AFAP1L1: variants seen among roughly 807,000 people sequenced by gnomAD.
AFAP1L1 encodes the protein actin filament-associated protein 1-like 1.
AFAP1L1 carries 77 observed loss-of-function variants against 99.8 expected under a neutral mutation model. That is an observed-to-expected ratio of 0.77 (90% CI 0.64 to 0.93). AFAP1L1 has a LOEUF of 0.93. AFAP1L1 is among the 40% of genes least tolerant of loss of function. The probability of loss-of-function intolerance (pLI) is 0.00; values close to 1 mark genes in which losing one functional copy is unlikely to be tolerated. For missense variants in AFAP1L1, 893 were observed against 996.8 expected, an observed-to-expected ratio of 0.90 and a Z score of 1.40; for synonymous variants, 373 against 395.3, an observed-to-expected ratio of 0.94 and a Z score of 0.67.
At chr5:149,305,770 G>T (rs149668682) in intron 5 of AFAP1L1, among the ~76,000 whole-genome samples, 489 of 152,260 alleles carry the variant, frequency 3.2e-3, no homozygotes, top group Non-Finnish European at 4.6e-3. Flanking sequence ...GTAAGAGGAA[G>T]GGCTGAGGTG....
At chr5:149,301,043 C>T in intron 3 of AFAP1L1, 90 bp from the exon 4 acceptor site, 2 of 1,115,746 alleles carry the variant, frequency 1.8e-6, no homozygotes, top group Non-Finnish European at 2.7e-6. Flanking sequence ...ACCTCACACT[C>T]AGGCCTCCTG....
chr5:149,302,498 C>G lies in AFAP1L1; in HGVS notation c.408C>G (p.Gly136=). ...YYEEALPLGP[G]KSPEYISSHN... is the part of the protein sequence containing the mutation. ...AAGAGGCCCTTCCTCTGGGACCCGG[C>G]AAGTCGCCTGAGTACATCAGCTCCC... The change falls in exon 5 of 19, where the codon GGC becomes GGG. Residue 136 remains glycine (G), a synonymous_variant. Coordinates refer to ENST00000296721, the MANE Select transcript of AFAP1L1 (RefSeq NM_152406.4). 3 of 1,589,604 alleles carry G rather than the reference C, an allele frequency of 1.9e-6. No individual in the cohort carries two copies. Among genetic ancestry groups the G allele is most frequent in the Non-Finnish European group, 2.6e-6 (3 of 1,167,660 alleles).
At chr5:149,290,169 G>A in intron 1 of AFAP1L1, among the ~76,000 whole-genome samples, 1 of 152,186 alleles carries the variant, frequency 6.6e-6, no homozygotes, top group Non-Finnish European at 1.5e-5. Flanking sequence ...GGAGGCAGAG[G>A]TTGCAGTGAG....
chr5:149,318,034 C>T, intron 12 of AFAP1L1, 94 bp downstream of exon 12: 1 of 1,389,444 alleles, frequency 7.2e-7, no homozygotes, highest in Non-Finnish European at 9.8e-7. Context: ...GCTACTGACA[C>T]CATGGGGACT....
intron 17 of AFAP1L1, among the ~76,000 whole-genome samples, chr5:149,333,181 T>C (rs1457830208): frequency 6.6e-6 from 1 of 152,214 alleles, no homozygotes; most frequent in African/African-American, 2.4e-5. Flanking sequence ...CAGCATACAT[T>C]GAATAACAAA....
Position 149,322,652 on chromosome 5 carries a change from C to T in AFAP1L1, c.1745C>T (p.Ala582Val). 1 of 1,593,636 alleles carries T rather than the reference C, an allele frequency of 6.3e-7. No individual in the cohort carries two copies. Among genetic ancestry groups the T allele is most frequent in the East Asian group, 2.3e-5 (1 of 44,152 alleles). ...ACAGGGGCCCAGGTGAAGCGTCACG[C>T]CTCCTCCTGCAGTGAGAAGTCCCAT... is the stretch of plus-strand genomic sequence containing the variant. ...RPTGAQVKRHASSCSEKSHRV... is the reference protein window; with the variant it reads ...RPTGAQVKRHVSSCSEKSHRV... The change falls in exon 15 of 19, where the codon GCC (alanine) becomes GTC (valine). Residue 582 changes from alanine (A) to valine (V), a missense_variant. Transcript: ENST00000296721.
chr5:149,305,725 A>G (rs1756384314), intron 5 of AFAP1L1, among the ~76,000 whole-genome samples: 1 of 152,166 alleles, frequency 6.6e-6, no homozygotes, highest in Non-Finnish European at 1.5e-5. Flanking sequence ...CTCTAGTCCA[A>G]TTCTTTCTTT....
intron 1 of AFAP1L1, among the ~76,000 whole-genome samples, chr5:149,284,985 G>C (rs1176211739): frequency 2.6e-5 from 4 of 152,336 alleles, no homozygotes; most frequent in Non-Finnish European, 5.9e-5. Context: ...TGCAGAAGCA[G>C]AGAGATATTT....
Position 149,320,262 on chromosome 5 carries a change from T to C in AFAP1L1, c.1626-129T>C, listed in dbSNP as rs17642570. The C allele has an allele frequency of 0.02, 17,254 of 851,934 alleles. 248 individuals are homozygous for C. Among genetic ancestry groups the C allele is most frequent in the Non-Finnish European group, 0.026 (13,944 of 529,766 alleles). The allele number at this position is 851,934 out of a possible 1,614,324, so 52.8% of individuals were successfully genotyped here. On this transcript the variant is annotated intron_variant, in intron 13 of 18. Coordinates refer to ENST00000296721, the MANE Select transcript of AFAP1L1 (RefSeq NM_152406.4). The surrounding 1 kb of genome is among the most constrained non-coding windows in gnomAD (Gnocchi z 4.0). ...CATGACACAATGCTGCCTGCCATCTTGCTTTTACCAATCTTCTGATCTGCC... is the reference window on the plus strand; with the variant it reads ...CATGACACAATGCTGCCTGCCATCTCGCTTTTACCAATCTTCTGATCTGCC...
At position 149,324,613 on chromosome 5, in the gene AFAP1L1, G is replaced by C. The variant is rs374215227; in HGVS notation, c.1810+1896G>C. 7.9e-5 allele frequency among the ~76,000 whole-genome samples: 12 copies of C among 152,276 alleles called. No individual in the cohort carries two copies. The East Asian group carries it at 1.9e-3, about 24-fold the overall frequency. On this transcript the variant is annotated intron_variant, in intron 15 of 18. Coordinates refer to ENST00000296721, the MANE Select transcript of AFAP1L1 (RefSeq NM_152406.4). ...ATGTGTTATGTCACACGGTTTCTGT[G>C]GGTCAAGAATCTCCAAATGGCTTGG... is the stretch of plus-strand genomic sequence containing the variant.
chr5:149,319,673 A>G lies in AFAP1L1; in HGVS notation c.1571A>G (p.Tyr524Cys). The G allele has an allele frequency of 6.2e-7, 1 of 1,612,646 alleles. No individual in the cohort carries two copies. Among genetic ancestry groups the G allele is most frequent in the Non-Finnish European group, 8.5e-7 (1 of 1,180,014 alleles). The part of the protein sequence containing the change: ...RVTPEALHYD[Y>C]VDVETLTSIV... ...ACTCCGGAGGCGCTGCACTATGACT[A>G]CGTGGATGTGGAGACCTTAACCAGC... Residue 524 changes from tyrosine (Y) to cysteine (C), a missense_variant, in exon 13 of 19, where the codon TAC becomes TGC. Tyr to Cys is a radical substitution (Grantham distance 194). Coordinates refer to ENST00000296721, the MANE Select transcript of AFAP1L1 (RefSeq NM_152406.4).
intron 15 of AFAP1L1, among the ~76,000 whole-genome samples, chr5:149,326,105 A>G (rs1185995861): frequency 6.6e-6 from 1 of 152,244 alleles, no homozygotes; most frequent in African/African-American, 2.4e-5. Flanking sequence ...TCCTCGAAAG[A>G]ACTGACTTTA....
chr5:149,328,513 C>G (rs189272660), intron 15 of AFAP1L1, among the ~76,000 whole-genome samples: 4 of 152,228 alleles, frequency 2.6e-5, no homozygotes, highest in African/African-American at 9.6e-5. Context: ...AAATTAATTA[C>G]AGTAAGTTTT....
chr5:149,321,780 TATA>T (rs1002795403), intron 14 of AFAP1L1, among the ~76,000 whole-genome samples: 2 of 140,220 alleles, frequency 1.4e-5, no homozygotes, highest in African/African-American at 5.3e-5. Flanking sequence ...GGCTCACACC[TATA>T]ATCCTAGCAC....
Position 149,271,975 on chromosome 5 carries a change from C to G in AFAP1L1, c.7C>G (p.Arg3Gly). Reference protein sequence around the residue: MDRGQVLEQLLPE... With the variant: MDGGQVLEQLLPE... ...CGGGGACCGGGCCGGCGCCATGGAC[C>G]GAGGCCAGGGTAAGAGGGGCCGCGA... Residue 3 changes from arginine (R) to glycine (G), a missense_variant, in exon 1 of 19, where the codon CGA (arginine) becomes GGA (glycine). Transcript: ENST00000296721. 1.6e-6 allele frequency: 2 copies of G among 1,237,514 alleles called. No homozygotes were observed. Among genetic ancestry groups the G allele is most frequent in the Middle Eastern group, 2.6e-4 (1 of 3,906 alleles). The allele number at this position is 1,237,514 out of a possible 1,614,324, so 76.7% of individuals were successfully genotyped here. A position where few individuals can be genotyped will look rare whatever the true frequency, so the allele number is the denominator to read the frequency against.
At chr5:149,322,300 G>C (rs1026239305) in intron 14 of AFAP1L1, among the ~76,000 whole-genome samples, 1 of 152,060 alleles carries the variant, frequency 6.6e-6, no homozygotes, top group Non-Finnish European at 1.5e-5. Context: ...ATGTTCTAAA[G>C]ACAAAAGTAT....
intron 9 of AFAP1L1, among the ~76,000 whole-genome samples, chr5:149,313,272 C>T (rs954957668): frequency 3.9e-5 from 6 of 152,168 alleles, no homozygotes; most frequent in Non-Finnish European, 7.3e-5. Context: ...AGACCCAAGT[C>T]CTCCCCTTAA....
chr5:149,343,548 C>G lies in AFAP1L1; in HGVS notation c.*3518C>G, dbSNP rs1372847751. ...CTAGATGTCAGAAATCAGTGGTGAA[C>G]AAGACAGACACCTCATGAAGCTCAC... On this transcript the variant is annotated 3_prime_UTR_variant, in exon 19 of 19. Transcript: ENST00000296721. 1.3e-5 allele frequency among the ~76,000 whole-genome samples: 2 copies of G among 152,028 alleles called. No homozygotes were observed. Among genetic ancestry groups the G allele is most frequent in the East Asian group, 3.8e-4 (2 of 5,202 alleles).
Position 149,322,631 on chromosome 5 carries a change from G to C in AFAP1L1, c.1724G>C (p.Gly575Ala). The change falls in exon 15 of 19, where the codon GGG becomes GCG. Residue 575 changes from glycine to alanine, a missense_variant. By Grantham distance (60) the Gly-to-Ala change is moderately conservative. Coordinates refer to ENST00000296721, the MANE Select transcript of AFAP1L1 (RefSeq NM_152406.4). ...MQDEEPERPT[G>A]AQVKRHASSC... ...GACGAGGAGCCCGAGCGCCCCACAG[G>C]GGCCCAGGTGAAGCGTCACGCCTCC... 1 of 1,586,802 alleles carries C rather than the reference G, an allele frequency of 6.3e-7. No individual in the cohort carries two copies. The highest frequency in any genetic ancestry group is 8.6e-7 in the Non-Finnish European group (1 of 1,165,616).
Sources: allele counts gnomAD v4.1 joint callset (sites outside exome capture counted in the v4.1 genomes callset), GRCh38; gene constraint gnomAD v4.1.1; non-coding constraint Gnocchi (gnomAD v3.1); transcripts MANE v1.5; gene names NCBI Gene and HGNC (gene_info 2026-07-23, HGNC 2026-07-21).